The following DLEC1 variants were observed in gnomAD, a reference collection of about 807,000 sequenced individuals.
DLEC1 encodes deleted in lung and esophageal cancer protein 1.
In DLEC1, 146 loss-of-function variants were observed where a neutral mutation model predicts 198.1. The ratio of observed to expected loss-of-function variants is 0.74; its 90% CI spans 0.64 to 0.85. The LOEUF (loss-of-function observed/expected upper bound fraction) is 0.85, where lower values mean the gene tolerates loss of function less well. Among genes scored for constraint, DLEC1 ranks in the 40% least tolerant of loss-of-function variants. The pLI is 0.00. For missense variants in DLEC1, 2,233 were observed against 2,220.0 expected (o/e 1.01, Z -0.12); for synonymous variants, 897 against 866.8 (o/e 1.03, Z -0.61).
intron 6 of DLEC1, among the ~76,000 whole-genome samples, chr3:38,078,163 G>A (rs201009968): frequency 3.3e-5 from 5 of 152,122 alleles, no homozygotes; most frequent in Non-Finnish European, 5.9e-5. Flanking sequence ...GCCAGATTGA[G>A]GTCCGGGCCA....
chr3:38,081,842 G>A (rs1485056205), intron 6 of DLEC1, among the ~76,000 whole-genome samples: 36 of 136,020 alleles, frequency 2.6e-4, no homozygotes, highest in Admixed American at 5.0e-4. Context: ...CAGGCGGGGG[G>A]CTGACCCCCC....
chr3:38,082,488 G>A (rs529952404), intron 6 of DLEC1, among the ~76,000 whole-genome samples: 6 of 152,258 alleles, frequency 3.9e-5, no homozygotes, highest in African/African-American at 9.6e-5. Flanking sequence ...GTCCCGGTTC[G>A]GGTGTTCTTA....
At chr3:38,045,007 A>G (rs114010276) in intron 1 of DLEC1, among the ~76,000 whole-genome samples, 348 of 152,326 alleles carry the variant, frequency 2.3e-3, no homozygotes, top group African/African-American at 8.0e-3. Context: ...CAAATGCAGC[A>G]TGTTGCTCTG....
chr3:38,114,401 C>T lies in DLEC1; in HGVS notation c.3726C>T (p.Ile1242=). Residue 1242 remains isoleucine, a synonymous_variant, in exon 26 of 37, where the codon ATC becomes ATT. Coordinates refer to ENST00000308059, the MANE Select transcript of DLEC1 (RefSeq NM_007335.4). The part of the protein sequence containing the change: ...PVHMAAVGCP[I]SSLRTTSYTI... Reference sequence around the variant, plus strand: ...ACATGGCAGCGGTGGGCTGCCCCATCAGCTCCCTGAGGACCACCTCCTACA... The same window carrying T: ...ACATGGCAGCGGTGGGCTGCCCCATTAGCTCCCTGAGGACCACCTCCTACA... 3 of 1,614,132 alleles carry T rather than the reference C, an allele frequency of 1.9e-6. No homozygotes were observed. Among genetic ancestry groups the T allele is most frequent in the East Asian group, 2.2e-5 (1 of 44,864 alleles).
At chr3:38,050,095 G>T (rs1197258292) in intron 2 of DLEC1, among the ~76,000 whole-genome samples, 3 of 151,910 alleles carry the variant, frequency 2.0e-5, no homozygotes, top group Admixed American at 2.0e-4. Context: ...TCAAGACAGG[G>T]TCTCGCTTCA....
In DLEC1 at chr3:38,122,852, G is replaced by T; in HGVS notation, c.*440G>T. ...CACAGCTAAAGAGGGTCTGATGGGT[G>T]GCTCAACACCCCACCCACTCCTATA... On this transcript the variant is annotated 3_prime_UTR_variant, in exon 37 of 37. Coordinates refer to ENST00000308059, the MANE Select transcript of DLEC1 (RefSeq NM_007335.4). 1.3e-6 allele frequency: 1 copy of T among 787,790 alleles called. No homozygotes were observed. Among genetic ancestry groups the T allele is most frequent in the Non-Finnish European group, 2.0e-6 (1 of 508,946 alleles). The allele number at this position is 787,790 out of a possible 1,614,324, so 48.8% of individuals were successfully genotyped here. A position where few individuals can be genotyped will look rare whatever the true frequency, so the allele number is the denominator to read the frequency against.
chr3:38,100,747 C>T (rs565189923), intron 19 of DLEC1, among the ~76,000 whole-genome samples: 53 of 152,240 alleles, frequency 3.5e-4, no homozygotes, highest in African/African-American at 1.1e-3. Context: ...CAGGGAAATC[C>T]TTATACATGC....
At position 38,059,855 on chromosome 3, in the gene DLEC1, A is replaced by C; in HGVS notation, c.673+3A>C. On this transcript the variant is annotated splice_donor_region_variant and intron_variant, in intron 3 of 36. Transcript: ENST00000308059. ...GCCGTTTCACTCTGCACCTAAAGGTAATGCTTCTGTGCTCTCAAGGCCTCT... is the reference window on the plus strand; with the variant it reads ...GCCGTTTCACTCTGCACCTAAAGGTCATGCTTCTGTGCTCTCAAGGCCTCT... 1.2e-6 allele frequency: 2 copies of C among 1,613,338 alleles called. No homozygotes were observed. Among genetic ancestry groups the C allele is most frequent in the Non-Finnish European group, 1.7e-6 (2 of 1,179,524 alleles).
intron 2 of DLEC1, among the ~76,000 whole-genome samples, chr3:38,046,507 C>G (rs2364805): frequency 0.2 from 29,727 of 152,148 alleles, 3,508 homozygotes; most frequent in East Asian, 0.36. Flanking sequence ...CCTTCACCTT[C>G]TACCATGATT....
intron 27 of DLEC1, 102 bp downstream of exon 27, chr3:38,115,155 C>T (rs1469405570): frequency 1.6e-6 from 2 of 1,289,596 alleles, no homozygotes; most frequent in Non-Finnish European, 2.2e-6. Context: ...GGCCCATGAA[C>T]AGGACCCAGG....
chr3:38,096,475 T>C (rs1699023318), intron 14 of DLEC1, 94 bp from the exon 15 acceptor site: 1 of 1,463,962 alleles, frequency 6.8e-7, no homozygotes. Flanking sequence ...AGTGTTTTTT[T>C]TTTCACAAGG....
At chr3:38,118,160 A>C in intron 33 of DLEC1, 136 bp downstream of exon 33, 1 of 986,364 alleles carries the variant, frequency 1.0e-6, no homozygotes, top group Non-Finnish European at 1.5e-6. Flanking sequence ...CCCTGCATGA[A>C]CACTCGGGGG....
chr3:38,063,354 T>A (rs1017451251), intron 5 of DLEC1, among the ~76,000 whole-genome samples: 1 of 152,076 alleles, frequency 6.6e-6, no homozygotes, highest in African/African-American at 2.4e-5. Flanking sequence ...TCCCAGCCAC[T>A]TGGGAGGCGG....
intron 6 of DLEC1, among the ~76,000 whole-genome samples, chr3:38,068,092 G>A (rs551166680): frequency 5.3e-5 from 8 of 152,288 alleles, no homozygotes; most frequent in Admixed American, 4.6e-4. Context: ...TAGCAAGCAA[G>A]AAGGAGATTG....
intron 6 of DLEC1, among the ~76,000 whole-genome samples, chr3:38,072,508 A>G (rs1697377427): frequency 1.3e-5 from 2 of 152,184 alleles, no homozygotes; most frequent in African/African-American, 4.8e-5. Flanking sequence ...TGTAATGAAA[A>G]GAGTTGGGAT....
chr3:38,057,511 T>G (rs1294929812), intron 2 of DLEC1, among the ~76,000 whole-genome samples: 1 of 151,678 alleles, frequency 6.6e-6, no homozygotes, highest in Non-Finnish European at 1.5e-5. Flanking sequence ...AAGAACTACA[T>G]GGATCACATA....
Position 38,117,610 on chromosome 3 carries a change from G to A in DLEC1, c.4484G>A (p.Gly1495Glu). Residue 1495 changes from glycine to glutamate, a missense_variant and splice_region_variant, in exon 32 of 37, where the codon GGG becomes GAG. Transcript: ENST00000308059. ...SDLIPEQPCSGVLSELVTTHH... is the reference protein window; with the variant it reads ...SDLIPEQPCSEVLSELVTTHH... Reference sequence around the variant, plus strand: ...CTCATTCCCGAGCAGCCCTGCTCTGGGGTGAGTGTGCTGCCACCCTCTGGC... The same window carrying A: ...CTCATTCCCGAGCAGCCCTGCTCTGAGGTGAGTGTGCTGCCACCCTCTGGC... 1 of 1,614,106 alleles carries A rather than the reference G, an allele frequency of 6.2e-7. No homozygotes were observed. Among genetic ancestry groups the A allele is most frequent in the South Asian group, 1.1e-5 (1 of 91,080 alleles).
At chr3:38,100,039 C>A (rs1699225615) in intron 18 of DLEC1, among the ~76,000 whole-genome samples, 1 of 152,212 alleles carries the variant, frequency 6.6e-6, no homozygotes, top group African/African-American at 2.4e-5. Context: ...TCTCTCAGAT[C>A]TGGGCCAGGG....
Position 38,095,031 on chromosome 3 carries a change from A to G in DLEC1, c.2072A>G (p.His691Arg). 6.2e-7 allele frequency: 1 copy of G among 1,614,228 alleles called. No homozygotes were observed. Among genetic ancestry groups the G allele is most frequent in the Admixed American group, 1.7e-5 (1 of 60,028 alleles). Reference sequence around the variant, plus strand: ...CCCAGAAAGGGGGTTCTAAGCCCCCACACAGACCACGAGTTCATCCTGAGC... The same window carrying G: ...CCCAGAAAGGGGGTTCTAAGCCCCCGCACAGACCACGAGTTCATCCTGAGC... ...IMPRKGVLSP[H>R]TDHEFILSFS... The change falls in exon 13 of 37, where the codon CAC (histidine) becomes CGC (arginine). Residue 691 changes from histidine (H) to arginine (R), a missense_variant. By Grantham distance (29) the His-to-Arg change is conservative (BLOSUM62 0). Transcript: ENST00000308059.
Sources: gnomAD v4.1 joint callset for allele counts (sites outside exome capture counted in the v4.1 genomes callset) on GRCh38, gnomAD v4.1.1 for gene constraint, MANE v1.5 for transcripts, NCBI Gene and HGNC (gene_info 2026-07-23, HGNC 2026-07-21) for gene names.